Variants in SFMBT2 observed in about 807,000 individuals in gnomAD.
SFMBT2 encodes the protein Scm like with four mbt domains 2.
SFMBT2 carries 38 observed loss-of-function variants against 110.1 expected under a neutral mutation model. The ratio of observed to expected loss-of-function variants is 0.35; its 90% CI spans 0.27 to 0.45. The LOEUF is 0.45. Ranked by LOEUF, SFMBT2 falls within the 20% of genes least tolerant of loss-of-function variation. The pLI is 1.00. For synonymous variants in SFMBT2, 425 were observed against 425.4 expected (o/e 1.00, Z 0.01); for missense variants, 1,011 against 1,094.9 (o/e 0.92, Z 1.08).
chr10:7,315,666 G>T (rs1478099768), intron 4 of SFMBT2, among the ~76,000 whole-genome samples: 8 of 152,140 alleles, frequency 5.3e-5, no homozygotes, highest in Non-Finnish European at 1.0e-4. Flanking sequence ...CATCCTACAG[G>T]TTTTGTGTTC....
rs188671327 is a variant in SFMBT2 at position 7,373,587 on chromosome 10, G to A, written c.101-3212C>T. Among the ~76,000 whole-genome samples the A allele has an allele frequency of 5.9e-3, 901 of 152,240 alleles. 3 individuals are homozygous for A. The highest frequency in any genetic ancestry group is 8.7e-3 in the South Asian group (42 of 4,828). Reference sequence around the variant, plus strand: ...AGTCCAAAGCTGGAGCTCTTATGAAGTACTTTCCCCCTCCTTCTCCCACCT... The same window carrying A: ...AGTCCAAAGCTGGAGCTCTTATGAAATACTTTCCCCCTCCTTCTCCCACCT... On this transcript the variant is annotated intron_variant, in intron 2 of 20. Transcript: ENST00000397167.
chr10:7,370,451 G>T, intron 2 of SFMBT2, 76 bp from the exon 3 acceptor site: 2 of 1,229,110 alleles, frequency 1.6e-6, no homozygotes, highest in South Asian at 1.2e-5. Context: ...ACTGAGACCA[G>T]AAAATCCTTC....
At chr10:7,364,176 T>C (rs1844816896) in intron 4 of SFMBT2, among the ~76,000 whole-genome samples, 1 of 152,246 alleles carries the variant, frequency 6.6e-6, no homozygotes, top group Non-Finnish European at 1.5e-5. Flanking sequence ...ATTTCCTGAC[T>C]CTGCTCTCCA....
chr10:7,255,978 C>T (rs761435017), intron 7 of SFMBT2, among the ~76,000 whole-genome samples: 21 of 152,204 alleles, frequency 1.4e-4, no homozygotes, highest in Non-Finnish European at 2.4e-4. Context: ...CGTCTGGTCC[C>T]AGGCATTTTG....
chr10:7,227,020 C>A (rs923717014), intron 10 of SFMBT2, among the ~76,000 whole-genome samples: 3 of 152,136 alleles, frequency 2.0e-5, no homozygotes, highest in Non-Finnish European at 2.9e-5. Flanking sequence ...AAACGACCTC[C>A]AATAACTCTG....
chr10:7,308,340 G>GGA (rs886438067), intron 4 of SFMBT2, among the ~76,000 whole-genome samples: 3 of 151,932 alleles, frequency 2.0e-5, no homozygotes, highest in Non-Finnish European at 2.9e-5. Flanking sequence ...CCAGAGCGAT[G>GGA]GAGAGAGAGA....
chr10:7,370,578 C>T (rs911617389), intron 2 of SFMBT2, among the ~76,000 whole-genome samples: 34 of 152,198 alleles, frequency 2.2e-4, no homozygotes, highest in Non-Finnish European at 4.7e-4. Context: ...GGACATTCCG[C>T]TTTGACTGCA....
intron 4 of SFMBT2, among the ~76,000 whole-genome samples, chr10:7,351,692 G>A (rs1198137210): frequency 6.6e-6 from 1 of 152,092 alleles, no homozygotes; most frequent in Non-Finnish European, 1.5e-5. Context: ...CTCACAGGGG[G>A]TAAAAAGGCA....
chr10:7,353,832 T>A (rs1844407680), intron 4 of SFMBT2, among the ~76,000 whole-genome samples: 1 of 152,150 alleles, frequency 6.6e-6, no homozygotes, highest in Admixed American at 6.5e-5. Context: ...ATGCCTATAA[T>A]CCCAGCACTT....
intron 9 of SFMBT2, among the ~76,000 whole-genome samples, chr10:7,237,352 C>T (rs1365069293): frequency 6.6e-6 from 1 of 152,208 alleles, no homozygotes; most frequent in Admixed American, 6.5e-5. Flanking sequence ...AAACAATCTA[C>T]ATGCCCCAAC....
intron 4 of SFMBT2, among the ~76,000 whole-genome samples, chr10:7,336,673 CAAT>C (rs1843724764): frequency 1.3e-5 from 2 of 151,946 alleles, no homozygotes; most frequent in Admixed American, 1.3e-4. Context: ...ATCAATCAAT[CAAT>C]CAATCAATCA....
intron 4 of SFMBT2, among the ~76,000 whole-genome samples, chr10:7,339,786 T>C (rs1843831408): frequency 6.6e-6 from 1 of 152,148 alleles, no homozygotes; most frequent in African/African-American, 2.4e-5. Flanking sequence ...TGTAACCCAC[T>C]TCATGACTGT....
intron 6 of SFMBT2, among the ~76,000 whole-genome samples, chr10:7,279,685 T>C (rs1841894624): frequency 6.6e-6 from 1 of 152,220 alleles, no homozygotes; most frequent in South Asian, 2.1e-4. Flanking sequence ...CATGTCCCGA[T>C]TCCTCTGAAA....
intron 9 of SFMBT2, among the ~76,000 whole-genome samples, chr10:7,231,253 A>G (rs1199401655): frequency 6.6e-6 from 1 of 152,248 alleles, no homozygotes; most frequent in Non-Finnish European, 1.5e-5. Flanking sequence ...GTTAAAGTCA[A>G]GATCTCCTTC....
intron 9 of SFMBT2, among the ~76,000 whole-genome samples, chr10:7,235,431 T>C (rs1175266382): frequency 6.6e-6 from 1 of 151,984 alleles, no homozygotes; most frequent in African/African-American, 2.4e-5. Context: ...GCAAAATGCC[T>C]TATCAGGAAA....
intron 16 of SFMBT2, 137 bp downstream of exon 16, chr10:7,188,487 C>T (rs2131576448): frequency 1.6e-6 from 1 of 613,846 alleles, no homozygotes; most frequent in Middle Eastern, 4.3e-4. Flanking sequence ...TTACGTGTCG[C>T]CCATAGAACT....
At chr10:7,321,862 T>C (rs1029939429) in intron 4 of SFMBT2, among the ~76,000 whole-genome samples, 1 of 152,202 alleles carries the variant, frequency 6.6e-6, no homozygotes, top group Non-Finnish European at 1.5e-5. Flanking sequence ...TGTTAGAAAA[T>C]GCAAACTGAA....
chr10:7,206,630 G>A (rs2131614295), intron 11 of SFMBT2: 1 of 948,600 alleles, frequency 1.1e-6, no homozygotes, highest in Non-Finnish European at 1.3e-6. Context: ...CCTGATGACT[G>A]TCACATCCTA....
chr10:7,348,271 T>G, intron 4 of SFMBT2: 1 of 1,513,448 alleles, frequency 6.6e-7, no homozygotes, highest in Non-Finnish European at 8.9e-7. Context: ...TCGAAGAAGT[T>G]TTGAGACATC....
Sources: gnomAD v4.1 joint callset for allele counts (sites outside exome capture counted in the v4.1 genomes callset) on GRCh38, gnomAD v4.1.1 for gene constraint, MANE v1.5 for transcripts, NCBI Gene and HGNC (gene_info 2026-07-23, HGNC 2026-07-21) for gene names.